Variants in LRRC4C observed in about 807,000 individuals in gnomAD.
LRRC4C encodes leucine-rich repeat-containing protein 4C.
LRRC4C carries 5 observed loss-of-function variants against 33.6 expected under a neutral mutation model. The observed-to-expected ratio is 0.15, with a 90% CI of 0.08 to 0.31. The LOEUF (loss-of-function observed/expected upper bound fraction) is 0.31. Among genes scored for constraint, LRRC4C ranks in the 10% least tolerant of loss-of-function variants. The pLI, the probability that LRRC4C is intolerant of heterozygous loss-of-function variation, is 1.00. For synonymous variants in LRRC4C, 329 were observed against 302.0 expected, an observed-to-expected ratio of 1.09 and a Z score of -0.93; for missense variants, 560 against 796.7, an observed-to-expected ratio of 0.70 and a Z score of 3.58.
chr11:41,299,475 G>C (rs948181540), intron 1 of LRRC4C, among the ~76,000 whole-genome samples: 1 of 151,998 alleles, frequency 6.6e-6, no homozygotes, highest in African/African-American at 2.4e-5. Context: ...ATGTCTTAGA[G>C]ATTTTCTGGT....
At chr11:41,100,594 T>C (rs550109787) in intron 1 of LRRC4C, among the ~76,000 whole-genome samples, 31 of 151,698 alleles carry the variant, frequency 2.0e-4, no homozygotes, top group Admixed American at 1.4e-3. Flanking sequence ...ATAATAACAA[T>C]AATAATAAAA....
rs562766843 is a variant in LRRC4C, at chr11:41,325,855, G to A, written c.-496+133576C>T. 1.1e-4 allele frequency among the ~76,000 whole-genome samples: 16 copies of A among 152,166 alleles called. No individual in the cohort carries two copies. In the East Asian group the frequency reaches 1.9e-3, roughly 18 times the overall value. ...TTTTATAATGCTAGACCCTGGTGGC[G>A]ATGAGAGGGGAGGATGGGAGGAGGA... On this transcript the variant is annotated intron_variant, in intron 1 of 6. Coordinates refer to ENST00000528697, the MANE Select transcript of LRRC4C (RefSeq NM_001258419.2).
chr11:40,804,608 GTAT>G (rs970816601), intron 2 of LRRC4C, among the ~76,000 whole-genome samples: 5 of 152,126 alleles, frequency 3.3e-5, no homozygotes, highest in African/African-American at 1.2e-4. Context: ...CCCCAAGCAT[GTAT>G]TATTATTATT....
intron 5 of LRRC4C, among the ~76,000 whole-genome samples, chr11:40,232,957 T>C (rs574885771): frequency 1.3e-5 from 2 of 152,348 alleles, no homozygotes; most frequent in Non-Finnish European, 1.5e-5. Flanking sequence ...CCATTTTCTA[T>C]TGGATAAAGT....
intron 4 of LRRC4C, among the ~76,000 whole-genome samples, chr11:40,270,210 C>T (rs762042454): frequency 5.3e-5 from 8 of 152,046 alleles, no homozygotes; most frequent in Admixed American, 1.3e-4. Flanking sequence ...CTAGTGTTGC[C>T]GTAACAAAAT....
At chr11:40,880,693 T>C (rs1005644172) in intron 2 of LRRC4C, among the ~76,000 whole-genome samples, 4 of 151,804 alleles carry the variant, frequency 2.6e-5, no homozygotes, top group Non-Finnish European at 4.4e-5. Context: ...TAATACCTAA[T>C]AATTTCAAAG....
chr11:40,281,602 T>C (rs1005843188), intron 4 of LRRC4C, among the ~76,000 whole-genome samples: 1 of 152,168 alleles, frequency 6.6e-6, no homozygotes, highest in African/African-American at 2.4e-5. Flanking sequence ...GTTATTGAAG[T>C]TCCCACCATC....
Position 40,257,894 on chromosome 11 carries a change from C to T in LRRC4C, c.-175-16296G>A, listed in dbSNP as rs79388708. 6.5e-3 allele frequency among the ~76,000 whole-genome samples: 990 copies of T among 152,206 alleles called. 8 individuals carry two copies. Among genetic ancestry groups the T allele is most frequent in the African/African-American group, 0.022 (933 of 41,534 alleles). On this transcript the variant is annotated intron_variant, in intron 4 of 6. Transcript: ENST00000528697. ...GCACTCTTTCCCTGAACTTCTTGTT[C>T]TATGTGAAAATAAATTTACTTACTT...
rs111825770 is a variant in LRRC4C, at chr11:40,620,856, A to G, written c.-270+27286T>C. On this transcript the variant is annotated intron_variant, in intron 3 of 6. Transcript: ENST00000528697. ...AGTACAATAATATCTGAATCTTTGCACTGTAAATGTATGAGGATATGGAGC... is the reference window on the plus strand; with the variant it reads ...AGTACAATAATATCTGAATCTTTGCGCTGTAAATGTATGAGGATATGGAGC... Among the ~76,000 whole-genome samples, 190 of 151,896 alleles carry G rather than the reference A, an allele frequency of 1.3e-3. 1 individual carries two copies. Among genetic ancestry groups the G allele is most frequent in the African/African-American group, 4.3e-3 (177 of 41,500 alleles).
intron 2 of LRRC4C, among the ~76,000 whole-genome samples, chr11:40,775,282 C>A (rs1051955103): frequency 6.6e-6 from 1 of 151,930 alleles, no homozygotes; most frequent in African/African-American, 2.4e-5. Context: ...TGGTGGCTGG[C>A]GCCTGTAGTC....
chr11:40,880,507 T>C (rs1444667381), intron 2 of LRRC4C, among the ~76,000 whole-genome samples: 2 of 137,998 alleles, frequency 1.4e-5, no homozygotes, highest in African/African-American at 5.4e-5. Context: ...ATCTGGTGAC[T>C]CCTACGAACC....
chr11:41,034,607 G>GTATATATATATATATATATA, intron 1 of LRRC4C, among the ~76,000 whole-genome samples: 1 of 97,040 alleles, frequency 1.0e-5, no homozygotes, highest in South Asian at 3.7e-4. Context: ...ATATGGTGAC[G>GTATATATATATATATATATA]TATATATATA....
intron 2 of LRRC4C, among the ~76,000 whole-genome samples, chr11:40,848,560 C>T (rs1953316809): frequency 1.3e-5 from 2 of 152,044 alleles, no homozygotes; most frequent in Admixed American, 1.3e-4. Context: ...TGTTTTACTT[C>T]CAATTATGTG....
At chr11:41,380,296 G>T (rs986524674) in intron 1 of LRRC4C, among the ~76,000 whole-genome samples, 1 of 152,096 alleles carries the variant, frequency 6.6e-6, no homozygotes, top group Admixed American at 6.6e-5. Context: ...ATTGTATCAA[G>T]AATCACTTTT....
At chr11:41,006,141 G>A (rs1318758467) in intron 1 of LRRC4C, among the ~76,000 whole-genome samples, 2 of 152,156 alleles carry the variant, frequency 1.3e-5, no homozygotes, top group Non-Finnish European at 2.9e-5. Context: ...TAGTGGTGTT[G>A]ACATATTTGG....
intron 2 of LRRC4C, among the ~76,000 whole-genome samples, chr11:40,753,901 A>T (rs766235794): frequency 6.6e-6 from 1 of 151,974 alleles, no homozygotes; most frequent in Non-Finnish European, 1.5e-5. Context: ...TACCTGAGTT[A>T]GAATGACTAT....
intron 3 of LRRC4C, among the ~76,000 whole-genome samples, chr11:40,355,935 C>G (rs984881363): frequency 8.5e-5 from 9 of 106,278 alleles, no homozygotes; most frequent in Non-Finnish European, 1.8e-4. Flanking sequence ...GTTTTACATT[C>G]ATAGTATAGT....
At chr11:40,284,085 T>C (rs1396582427) in intron 4 of LRRC4C, among the ~76,000 whole-genome samples, 1 of 152,144 alleles carries the variant, frequency 6.6e-6, no homozygotes, top group East Asian at 1.9e-4. Flanking sequence ...CTATCACAAA[T>C]ATATGAACAA....
chr11:40,848,528 T>C lies in LRRC4C; in HGVS notation c.-407+85107A>G, dbSNP rs142483772. Among the ~76,000 whole-genome samples the C allele has an allele frequency of 8.6e-3, 1,310 of 152,274 alleles. 29 individuals are homozygous for C. The highest frequency in any genetic ancestry group is 0.03 in the African/African-American group (1,235 of 41,568). ...GAGAGTCAGTTTTTTATGATTTCCA[T>C]TCTTTTGCATTTGCTGAGGAGTGTT... On this transcript the variant is annotated intron_variant, in intron 2 of 6. Coordinates refer to ENST00000528697, the MANE Select transcript of LRRC4C (RefSeq NM_001258419.2).
Sources: gnomAD v4.1 joint callset for allele counts (sites outside exome capture counted in the v4.1 genomes callset) on GRCh38, gnomAD v4.1.1 for gene constraint, MANE v1.5 for transcripts, NCBI Gene and HGNC (gene_info 2026-07-23, HGNC 2026-07-21) for gene names.